The following ADAMTS3 variants were observed in gnomAD, a reference collection of about 807,000 sequenced individuals.
The protein encoded by ADAMTS3 is ADAM metallopeptidase with thrombospondin type 1 motif 3.
ADAMTS3 carries 73 observed loss-of-function variants against 129.0 expected under a neutral mutation model. The observed-to-expected ratio is 0.57, with a 90% CI of 0.47 to 0.69. ADAMTS3 has a LOEUF of 0.69. ADAMTS3 is among the 30% of genes least tolerant of loss of function. The probability of loss-of-function intolerance (pLI) is 0.00; values close to 1 mark genes in which losing one functional copy is unlikely to be tolerated. For missense variants in ADAMTS3, 1,457 were observed against 1,514.5 expected (o/e 0.96, Z 0.63); for synonymous variants, 477 against 510.8 (o/e 0.93, Z 0.89).
chr4:72,284,548 T>C (rs2109763131), intron 21 of ADAMTS3, among the ~76,000 whole-genome samples: 1 of 152,310 alleles, frequency 6.6e-6, no homozygotes, highest in Non-Finnish European at 1.5e-5. Flanking sequence ...TTGGGTAAAG[T>C]ATGCCAAATT....
intron 3 of ADAMTS3, among the ~76,000 whole-genome samples, chr4:72,458,216 G>C (rs184583803): frequency 6.6e-6 from 1 of 151,712 alleles, no homozygotes; most frequent in East Asian, 2.0e-4. Context: ...TATAGTACAT[G>C]CATCACTGAA....
intron 3 of ADAMTS3, among the ~76,000 whole-genome samples, chr4:72,462,329 T>C (rs1023492176): frequency 6.6e-6 from 1 of 151,966 alleles, no homozygotes; most frequent in African/African-American, 2.4e-5. Context: ...ACCAGAAAGA[T>C]GATTTATACT....
chr4:72,519,025 C>A (rs1054985632), intron 3 of ADAMTS3, among the ~76,000 whole-genome samples: 1 of 151,070 alleles, frequency 6.6e-6, no homozygotes, highest in Non-Finnish European at 1.5e-5. Context: ...TCTTTTAGGG[C>A]AGGCCTGGTG....
In ADAMTS3 at chr4:72,394,403, C is replaced by T. The variant is rs540347933; in HGVS notation, c.661+20412G>A. Reference sequence around the variant, plus strand: ...AAAGGAGTCCCAAAGCTCGCCATGACTCAACAGGAAGCTCTTTGTGTCTTC... The same window carrying T: ...AAAGGAGTCCCAAAGCTCGCCATGATTCAACAGGAAGCTCTTTGTGTCTTC... On this transcript the variant is annotated intron_variant, in intron 4 of 21. Transcript: ENST00000286657. Among the ~76,000 whole-genome samples, 6 of 152,312 alleles carry T rather than the reference C, an allele frequency of 3.9e-5. No individual in the cohort carries two copies. In the South Asian group the frequency reaches 8.3e-4, roughly 21 times the overall value.
At chr4:72,483,181 C>T (rs746313863) in intron 3 of ADAMTS3, among the ~76,000 whole-genome samples, 17 of 151,754 alleles carry the variant, frequency 1.1e-4, no homozygotes, top group Non-Finnish European at 1.8e-4. Flanking sequence ...AAAAGGCGTA[C>T]ATATTGGAAG....
intron 4 of ADAMTS3, among the ~76,000 whole-genome samples, chr4:72,404,772 C>T (rs182639045): frequency 6.6e-6 from 1 of 151,036 alleles, no homozygotes; most frequent in African/African-American, 2.4e-5. Context: ...GAATAATATC[C>T]AAAAAATCTA....
At chr4:72,551,814 C>T (rs940119554) in intron 2 of ADAMTS3, among the ~76,000 whole-genome samples, 5 of 152,174 alleles carry the variant, frequency 3.3e-5, no homozygotes, top group African/African-American at 1.2e-4. Context: ...GAAGACCATG[C>T]TCCTATGCTC....
chr4:72,528,077 G>A (rs188530964), intron 3 of ADAMTS3, among the ~76,000 whole-genome samples: 1 of 152,142 alleles, frequency 6.6e-6, no homozygotes, highest in Admixed American at 6.6e-5. Context: ...ATGTACATGT[G>A]GCCAGTGCTC....
intron 17 of ADAMTS3, among the ~76,000 whole-genome samples, chr4:72,301,737 T>A (rs1409792255): frequency 6.6e-6 from 1 of 152,012 alleles, no homozygotes; most frequent in Non-Finnish European, 1.5e-5. Context: ...GCAATGTATG[T>A]CATGACAAAG....
In ADAMTS3 at chr4:72,282,868, G is replaced by A. The variant is rs897671830; in HGVS notation, c.*268C>T. On this transcript the variant is annotated 3_prime_UTR_variant, in exon 22 of 22. Coordinates refer to ENST00000286657, the MANE Select transcript of ADAMTS3 (RefSeq NM_014243.3). ...GTTCCAGTCCCTTTTCTGCTTCAGA[G>A]AGCGACCAACACAATCTTAGCAACA... The A allele has an allele frequency of 1.1e-5, 3 of 270,850 alleles. No homozygotes were observed. Among genetic ancestry groups the A allele is most frequent in the African/African-American group, 2.2e-5 (1 of 45,472 alleles). The allele number at this position is 270,850 out of a possible 1,614,324, so 16.8% of individuals were successfully genotyped here.
chr4:72,411,842 C>T (rs555288897), intron 4 of ADAMTS3, among the ~76,000 whole-genome samples: 4 of 152,188 alleles, frequency 2.6e-5, no homozygotes, highest in African/African-American at 9.6e-5. Flanking sequence ...ATCTCTCTCT[C>T]TTTCCCCATG....
chr4:72,446,369 C>T (rs1256808868), intron 3 of ADAMTS3, among the ~76,000 whole-genome samples: 2 of 151,626 alleles, frequency 1.3e-5, no homozygotes, highest in African/African-American at 4.8e-5. Context: ...AATGAGACCT[C>T]AATAGGACTG....
chr4:72,525,769 G>A (rs1720790353), intron 3 of ADAMTS3, among the ~76,000 whole-genome samples: 1 of 152,128 alleles, frequency 6.6e-6, no homozygotes, highest in East Asian at 1.9e-4. Flanking sequence ...TCAGAAGCAA[G>A]TGTATTGAAT....
intron 3 of ADAMTS3, among the ~76,000 whole-genome samples, chr4:72,482,285 AAAGTATGATAC>A (rs1367293186): frequency 1.1e-4 from 16 of 152,252 alleles, no homozygotes; most frequent in African/African-American, 3.8e-4. Flanking sequence ...ATTATTAAAT[AAAGTATGATAC>A]ATCCATTCCT....
At chr4:72,316,319 T>C (rs189239514) in intron 10 of ADAMTS3, among the ~76,000 whole-genome samples, 5 of 152,304 alleles carry the variant, frequency 3.3e-5, no homozygotes, top group Non-Finnish European at 7.4e-5. Context: ...GAAAATATAA[T>C]GGTTTGGCAG....
chr4:72,547,949 G>T (rs922268208), intron 3 of ADAMTS3, among the ~76,000 whole-genome samples: 1 of 152,086 alleles, frequency 6.6e-6, no homozygotes, highest in East Asian at 1.9e-4. Context: ...TGAAGCCACC[G>T]CACAGAAAGT....
chr4:72,315,774 C>T, intron 11 of ADAMTS3, 84 bp downstream of exon 11: 1 of 845,402 alleles, frequency 1.2e-6, no homozygotes, highest in Non-Finnish European at 1.9e-6. Flanking sequence ...GACAGTGCAG[C>T]TGTGTTTACC....
At chr4:72,385,825 C>A (rs1247134071) in intron 4 of ADAMTS3, among the ~76,000 whole-genome samples, 3 of 152,074 alleles carry the variant, frequency 2.0e-5, no homozygotes, top group Non-Finnish European at 2.9e-5. Context: ...TGTAACAAAC[C>A]TGCACATGTA....
At chr4:72,310,991 G>T (rs931336757) in intron 14 of ADAMTS3, 57 bp downstream of exon 14, 126 of 1,453,176 alleles carry the variant, frequency 8.7e-5, no homozygotes, top group African/African-American at 1.1e-4. Flanking sequence ...ATGTGCAGAT[G>T]AATGACAGTA....
Sources: gnomAD v4.1 joint callset for allele counts (sites outside exome capture counted in the v4.1 genomes callset) on GRCh38, gnomAD v4.1.1 for gene constraint, MANE v1.5 for transcripts, NCBI Gene and HGNC (gene_info 2026-07-23, HGNC 2026-07-21) for gene names.